The following GALNT13 variants were observed in gnomAD, a reference collection of about 807,000 sequenced individuals.
The protein encoded by GALNT13 is UDP-GalNAc:polypeptide N-acetylgalactosaminyltransferase 13.
GALNT13 carries 28 observed loss-of-function variants against 64.2 expected under a neutral mutation model. The ratio of observed to expected loss-of-function variants is 0.44; its 90% confidence interval spans 0.32 to 0.60. The LOEUF is 0.60. Ranked by LOEUF, GALNT13 falls within the 20% of genes least tolerant of loss-of-function variation. The pLI, the probability that GALNT13 is intolerant of heterozygous loss-of-function variation, is 0.05. For missense variants in GALNT13, 577 were observed against 669.8 expected, an observed-to-expected ratio of 0.86 and a Z score of 1.53; for synonymous variants, 214 against 224.6, an observed-to-expected ratio of 0.95 and a Z score of 0.42.
chr2:153,149,431 A>G, the GALNT13 span, among the ~76,000 whole-genome samples: 2 of 151,958 alleles, frequency 1.3e-5, no homozygotes, highest in African/African-American at 2.4e-5. Context: ...GTTCTGGACA[A>G]TGCAATGGGA....
At chr2:154,123,536 A>C (rs1322712885) in intron 3 of GALNT13, among the ~76,000 whole-genome samples, 3 of 151,986 alleles carry the variant, frequency 2.0e-5, no homozygotes, top group Non-Finnish European at 1.5e-5. Flanking sequence ...ACATGGCTAC[A>C]CACTCAATAA....
At chr2:154,254,081 A>G (rs1277227851) in intron 7 of GALNT13, among the ~76,000 whole-genome samples, 2 of 152,192 alleles carry the variant, frequency 1.3e-5, no homozygotes, top group African/African-American at 4.8e-5. Flanking sequence ...CAGGCTGCCT[A>G]GAGTGTATAA....
At chr2:153,993,739 A>T (rs990378281) in intron 3 of GALNT13, among the ~76,000 whole-genome samples, 2 of 150,680 alleles carry the variant, frequency 1.3e-5, no homozygotes, top group Non-Finnish European at 3.0e-5. Context: ...ATTCTTCTTG[A>T]CATATTAGAT....
chr2:153,844,899 A>G, the GALNT13 span, among the ~76,000 whole-genome samples: 3 of 152,186 alleles, frequency 2.0e-5, no homozygotes, highest in Non-Finnish European at 4.4e-5. Context: ...ACTCTTTGCT[A>G]AGGCATAACA....
the GALNT13 span, among the ~76,000 whole-genome samples, chr2:153,616,215 T>C: frequency 7.9e-5 from 12 of 151,912 alleles, no homozygotes; most frequent in Non-Finnish European, 1.3e-4. Context: ...CAAGTGTATG[T>C]TCTTGACACC....
chr2:153,760,384 T>C, the GALNT13 span, among the ~76,000 whole-genome samples: 71 of 151,954 alleles, frequency 4.7e-4, no homozygotes, highest in African/African-American at 1.6e-3. Flanking sequence ...CATTTGAGAT[T>C]TTTAAATATA....
chr2:153,222,901 G>A, the GALNT13 span, among the ~76,000 whole-genome samples: 1 of 152,128 alleles, frequency 6.6e-6, no homozygotes, highest in African/African-American at 2.4e-5. Flanking sequence ...AGGGATGCCT[G>A]GGTCCAGAGA....
intron 3 of GALNT13, among the ~76,000 whole-genome samples, chr2:154,056,280 G>C (rs1327896337): frequency 6.6e-6 from 1 of 152,038 alleles, no homozygotes; most frequent in Admixed American, 6.5e-5. Flanking sequence ...AAAATCTTAA[G>C]TTGACAATGC....
At chr2:153,668,237 A>C in the GALNT13 span, among the ~76,000 whole-genome samples, 2 of 152,116 alleles carry the variant, frequency 1.3e-5, no homozygotes, top group Non-Finnish European at 2.9e-5. Flanking sequence ...GGACCTAAAC[A>C]CAACACTTGA....
chr2:153,409,648 A>G, the GALNT13 span, among the ~76,000 whole-genome samples: 1 of 152,144 alleles, frequency 6.6e-6, no homozygotes, highest in East Asian at 1.9e-4. Flanking sequence ...CAAGAAGAAT[A>G]CAGAAAGCTA....
the GALNT13 span, among the ~76,000 whole-genome samples, chr2:153,078,045 G>A: frequency 1.3e-5 from 2 of 152,158 alleles, no homozygotes; most frequent in African/African-American, 2.4e-5. Flanking sequence ...ATTGCTAAAT[G>A]TAGGCCTTGG....
At chr2:153,688,128 T>A in the GALNT13 span, among the ~76,000 whole-genome samples, 1 of 152,010 alleles carries the variant, frequency 6.6e-6, no homozygotes, top group South Asian at 2.1e-4. Context: ...ACTTCCTGTT[T>A]TTTATAAATA....
intron 3 of GALNT13, among the ~76,000 whole-genome samples, chr2:154,131,395 A>G (rs1284547651): frequency 1.3e-5 from 2 of 152,194 alleles, no homozygotes; most frequent in African/African-American, 2.4e-5. Context: ...TTTCTCAGCT[A>G]CTAAATATTT....
the GALNT13 span, among the ~76,000 whole-genome samples, chr2:153,796,915 G>A: frequency 2.2e-4 from 34 of 152,222 alleles, no homozygotes; most frequent in Middle Eastern, 3.4e-3. Context: ...ATTAATGGGA[G>A]AAAATGAGAA....
the GALNT13 span, among the ~76,000 whole-genome samples, chr2:153,629,011 C>A: frequency 8.5e-5 from 13 of 152,166 alleles, no homozygotes; most frequent in Middle Eastern, 3.4e-3. Flanking sequence ...TTAATTATTG[C>A]CACAATTTCA....
chr2:153,924,979 C>A (rs570613285), intron 2 of GALNT13, among the ~76,000 whole-genome samples: 2 of 152,134 alleles, frequency 1.3e-5, no homozygotes, highest in Non-Finnish European at 2.9e-5. Context: ...GGATAGATTA[C>A]AAAAATTTTG....
the GALNT13 span, among the ~76,000 whole-genome samples, chr2:153,453,133 A>G: frequency 1.3e-5 from 2 of 152,226 alleles, no homozygotes; most frequent in East Asian, 3.8e-4. Flanking sequence ...TGGATTAAAG[A>G]TTTAAATGTA....
intron 3 of GALNT13, among the ~76,000 whole-genome samples, chr2:154,022,231 G>T (rs1697562306): frequency 6.6e-6 from 1 of 152,184 alleles, no homozygotes; most frequent in African/African-American, 2.4e-5. Context: ...ATGAGTTAGG[G>T]AGGATTCTCT....
chr2:153,911,412 A>G (rs957891706), intron 2 of GALNT13, among the ~76,000 whole-genome samples: 5 of 151,972 alleles, frequency 3.3e-5, no homozygotes, highest in Non-Finnish European at 7.4e-5. Flanking sequence ...CTTATATTCA[A>G]TGTTAGCATT....
Sources: allele counts gnomAD v4.1 joint callset (sites outside exome capture counted in the v4.1 genomes callset), GRCh38; gene constraint gnomAD v4.1.1; transcripts MANE v1.5; gene names NCBI Gene and HGNC (gene_info 2026-07-23, HGNC 2026-07-21).